The following TENM3 variants were observed in gnomAD, a reference collection of about 807,000 sequenced individuals.
TENM3 encodes teneurin transmembrane protein 3, also known as teneurin-3.
TENM3 carries 63 observed loss-of-function variants against 255.1 expected under a neutral mutation model. The ratio of observed to expected loss-of-function variants is 0.25; its 90% CI spans 0.20 to 0.30. The LOEUF (loss-of-function observed/expected upper bound fraction) is 0.30, where lower values mean the gene tolerates loss of function less well. Ranked by LOEUF, TENM3 falls within the 10% of genes least tolerant of loss-of-function variation. The pLI is 1.00. For synonymous variants in TENM3, 1,306 were observed against 1,322.3 expected (o/e 0.99, Z 0.27); for missense variants, 2,929 against 3,461.1 (o/e 0.85, Z 3.86).
chr4:182,298,829 C>T (rs965357022), intron 1 of TENM3, among the ~76,000 whole-genome samples: 1 of 150,798 alleles, frequency 6.6e-6, no homozygotes, highest in East Asian at 2.0e-4. Context: ...AAAAATTAGC[C>T]GGGCGTGATG....
At chr4:182,450,072 C>A (rs1773322010) in intron 3 of TENM3, among the ~76,000 whole-genome samples, 1 of 152,204 alleles carries the variant, frequency 6.6e-6, no homozygotes, top group African/African-American at 2.4e-5. Context: ...CTAATATAAT[C>A]AAATTCAGTG....
the TENM3 span, among the ~76,000 whole-genome samples, chr4:181,680,517 A>G: frequency 6.6e-5 from 10 of 152,106 alleles, no homozygotes; most frequent in African/African-American, 2.4e-4. Flanking sequence ...CAATTGTTGG[A>G]TATTGTTCAT....
chr4:182,411,385 C>A (rs1769975383), intron 3 of TENM3, among the ~76,000 whole-genome samples: 1 of 152,130 alleles, frequency 6.6e-6, no homozygotes, highest in Admixed American at 6.5e-5. Flanking sequence ...CCCTCACTAT[C>A]CCTCCTGGGA....
intron 1 of TENM3, among the ~76,000 whole-genome samples, chr4:182,309,870 G>C (rs1340486530): frequency 1.3e-5 from 2 of 152,166 alleles, no homozygotes; most frequent in Non-Finnish European, 2.9e-5. Flanking sequence ...CATTATAGTA[G>C]CTGCCCTTTA....
At chr4:182,447,576 G>C (rs1330298598) in intron 3 of TENM3, among the ~76,000 whole-genome samples, 2 of 152,166 alleles carry the variant, frequency 1.3e-5, no homozygotes, top group Non-Finnish European at 2.9e-5. Flanking sequence ...TCTAATTGCA[G>C]TCTGCTAATC....
At chr4:181,584,777 A>T in the TENM3 span, among the ~76,000 whole-genome samples, 9 of 152,156 alleles carry the variant, frequency 5.9e-5, no homozygotes, top group African/African-American at 2.2e-4. Flanking sequence ...TCATTGTTTC[A>T]TTAGTAACAA....
intron 3 of TENM3, among the ~76,000 whole-genome samples, chr4:182,481,667 C>T (rs751520756): frequency 9.2e-5 from 14 of 152,062 alleles, no homozygotes; most frequent in Non-Finnish European, 1.8e-4. Flanking sequence ...TGGCTGTGTG[C>T]ACCTGTAGTC....
At chr4:181,898,093 A>G in the TENM3 span, among the ~76,000 whole-genome samples, 3 of 152,228 alleles carry the variant, frequency 2.0e-5, no homozygotes, top group Non-Finnish European at 4.4e-5. Context: ...GTAGGCTGAT[A>G]AGATCAAGTC....
chr4:181,869,552 CATG>C, the TENM3 span, among the ~76,000 whole-genome samples: 6 of 152,018 alleles, frequency 3.9e-5, no homozygotes, highest in African/African-American at 2.4e-5. Context: ...CACCCTTCTC[CATG>C]ATATTTTTCA....
chr4:182,781,593 C>T (rs1321375544), intron 24 of TENM3, among the ~76,000 whole-genome samples: 2 of 151,902 alleles, frequency 1.3e-5, no homozygotes, highest in South Asian at 4.2e-4. Context: ...AGGATTCCCT[C>T]TTTTTCTGTT....
intron 3 of TENM3, among the ~76,000 whole-genome samples, chr4:182,452,447 C>G (rs1485272214): frequency 6.6e-6 from 1 of 152,116 alleles, no homozygotes; most frequent in Non-Finnish European, 1.5e-5. Flanking sequence ...TTAGCTAACA[C>G]AACTGCAGTC....
chr4:181,497,047 T>A, the TENM3 span, among the ~76,000 whole-genome samples: 1 of 152,208 alleles, frequency 6.6e-6, no homozygotes, highest in Non-Finnish European at 1.5e-5. Context: ...ACATATTTTT[T>A]CCATGAATGA....
chr4:182,784,406 C>A (rs903334901), intron 24 of TENM3, among the ~76,000 whole-genome samples: 1 of 151,780 alleles, frequency 6.6e-6, no homozygotes, highest in African/African-American at 2.4e-5. Flanking sequence ...AGGCACTCTG[C>A]CAGTTTTCAG....
the TENM3 span, among the ~76,000 whole-genome samples, chr4:181,808,412 T>A: frequency 6.6e-6 from 1 of 152,156 alleles, no homozygotes; most frequent in Non-Finnish European, 1.5e-5. Flanking sequence ...TATTACTGAT[T>A]GAGGAGCAGA....
At chr4:182,653,555 C>T (rs1441597640) in intron 5 of TENM3, among the ~76,000 whole-genome samples, 1 of 152,170 alleles carries the variant, frequency 6.6e-6, no homozygotes, top group Non-Finnish European at 1.5e-5. Context: ...TATTAAATCA[C>T]TATTGAAGTG....
In TENM3 at chr4:182,486,626, A is replaced by G. The variant is rs1013707301; in HGVS notation, c.512-114298A>G. On this transcript the variant is annotated intron_variant, in intron 3 of 27. Coordinates refer to ENST00000511685, the MANE Select transcript of TENM3 (RefSeq NM_001080477.4). ...ATAGAAATTTTATGTAAGGTCCAGG[A>G]TCACAAAAGCCACAGAAAAATGCAG... Among the ~76,000 whole-genome samples, 5 of 152,318 alleles carry G rather than the reference A, an allele frequency of 3.3e-5. No homozygotes were observed. In the South Asian group the frequency reaches 1.0e-3, roughly 32 times the overall value.
chr4:181,714,998 T>G, the TENM3 span, among the ~76,000 whole-genome samples: 1 of 152,194 alleles, frequency 6.6e-6, no homozygotes, highest in South Asian at 2.1e-4. Flanking sequence ...AAAAATACAT[T>G]CACAGATAAT....
the TENM3 span, among the ~76,000 whole-genome samples, chr4:181,842,032 T>A: frequency 1.3e-5 from 2 of 149,888 alleles, no homozygotes; most frequent in African/African-American, 2.4e-5. Flanking sequence ...ATATACTTAC[T>A]GTATCACAGA....
At chr4:181,558,843 C>T in the TENM3 span, among the ~76,000 whole-genome samples, 1 of 152,144 alleles carries the variant, frequency 6.6e-6, no homozygotes, top group Non-Finnish European at 1.5e-5. Flanking sequence ...GAATTAAAAT[C>T]CAGTTTATGC....
Sources: gnomAD v4.1 joint callset for allele counts (sites outside exome capture counted in the v4.1 genomes callset) on GRCh38, gnomAD v4.1.1 for gene constraint, MANE v1.5 for transcripts, NCBI Gene and HGNC (gene_info 2026-07-23, HGNC 2026-07-21) for gene names.